The following MFAP5 variants were observed in gnomAD, a reference collection of about 807,000 sequenced individuals.
MFAP5 encodes microfibrillar-associated protein 5.
A neutral mutation model predicts 30.1 loss-of-function variants in MFAP5; 19 were observed. The observed-to-expected ratio is 0.63, with a 90% CI of 0.44 to 0.93. The LOEUF (loss-of-function observed/expected upper bound fraction) is 0.93. Among genes scored for constraint, MFAP5 ranks in the 40% least tolerant of loss-of-function variants. The probability of loss-of-function intolerance (pLI) is 0.00; values close to 1 mark genes in which losing one functional copy is unlikely to be tolerated. For missense variants in MFAP5, 210 were observed against 221.3 expected, an observed-to-expected ratio of 0.95 and a Z score of 0.32; for synonymous variants, 92 against 72.9, an observed-to-expected ratio of 1.26 and a Z score of -1.33.
chr12:8,651,510 A>C, intron 7 of MFAP5, 152 bp downstream of exon 7: 1 of 760,506 alleles, frequency 1.3e-6, no homozygotes, highest in Non-Finnish European at 2.1e-6. Context: ...TTTTTTAAAA[A>C]AAAGAGTAAG....
At chr12:8,650,385 G>A in intron 8 of MFAP5, 117 bp downstream of exon 8, 1 of 875,644 alleles carries the variant, frequency 1.1e-6, no homozygotes, top group South Asian at 1.5e-5. Context: ...GGAGGGTTGT[G>A]CTAAAAACTT....
chr12:8,655,781 C>T lies in MFAP5; in HGVS notation c.139+5G>A, dbSNP rs1350150138. ...AACAAACAAACAAACAAAAGTGTAG[C>T]TTACTAGGATCTTCTGTGAATGTTT... On this transcript the variant is annotated splice_donor_5th_base_variant and intron_variant, in intron 4 of 9. Coordinates refer to ENST00000359478, the MANE Select transcript of MFAP5 (RefSeq NM_003480.4). 1.2e-6 allele frequency: 2 copies of T among 1,609,838 alleles called. No individual in the cohort carries two copies. Among genetic ancestry groups the T allele is most frequent in the East Asian group, 4.5e-5 (2 of 44,888 alleles).
In MFAP5 at chr12:8,655,391, T is replaced by C. The variant is rs774406233; in HGVS notation, c.172+24A>G. ...ATATTAACAAGAACCATGCCATTTT[T>C]TTTTTAACTGCGGTAAAATTTACCT... On this transcript the variant is annotated intron_variant, in intron 5 of 9. Coordinates refer to ENST00000359478, the MANE Select transcript of MFAP5 (RefSeq NM_003480.4). 10 of 1,575,014 alleles carry C rather than the reference T, an allele frequency of 6.3e-6. No individual in the cohort carries two copies. In the African/African-American group the frequency reaches 1.1e-4, roughly 17 times the overall value.
At position 8,648,180 on chromosome 12, in the gene MFAP5, C is replaced by A; in HGVS notation, c.433G>T (p.Gly145Cys). The change falls in exon 10 of 10, where the codon GGT (glycine) becomes TGT (cysteine). Residue 145 changes from glycine to cysteine, a missense_variant. Transcript: ENST00000359478. The part of the protein sequence containing the change: ...MKDELCRQMA[G>C]LPPRRLRRSN... ...CGACGGAGTCTCCTAGGGGGCAGACCAGCCATCTGACGGCAAAGCTCATCT... is the reference window on the plus strand; with the variant it reads ...CGACGGAGTCTCCTAGGGGGCAGACAAGCCATCTGACGGCAAAGCTCATCT... 1 of 1,613,636 alleles carries A rather than the reference C, an allele frequency of 6.2e-7. No individual in the cohort carries two copies.
At chr12:8,648,843 C>A (rs1941754785) in intron 9 of MFAP5, among the ~76,000 whole-genome samples, 1 of 152,214 alleles carries the variant, frequency 6.6e-6, no homozygotes, top group Admixed American at 6.5e-5. Flanking sequence ...TCACCAACCA[C>A]AGCCATCGTT....
chr12:8,658,766 C>T (rs143889478), intron 3 of MFAP5, among the ~76,000 whole-genome samples: 227 of 151,880 alleles, frequency 1.5e-3, no homozygotes, highest in African/African-American at 5.2e-3. Flanking sequence ...CAAGAGCTAT[C>T]ACCATATAAA....
intron 6 of MFAP5, among the ~76,000 whole-genome samples, chr12:8,653,459 A>G (rs1941897569): frequency 6.6e-6 from 1 of 151,962 alleles, no homozygotes; most frequent in African/African-American, 2.4e-5. Context: ...TCTAATTATA[A>G]TCTTACCTTG....
intron 6 of MFAP5, among the ~76,000 whole-genome samples, chr12:8,652,409 C>T (rs1360371637): frequency 1.3e-5 from 2 of 151,750 alleles, no homozygotes; most frequent in Admixed American, 6.6e-5. Flanking sequence ...CGTACCATTG[C>T]ACTCCAGCCT....
At chr12:8,650,805 T>G (rs1358423700) in intron 7 of MFAP5, among the ~76,000 whole-genome samples, 1 of 152,196 alleles carries the variant, frequency 6.6e-6, no homozygotes, top group Non-Finnish European at 1.5e-5. Context: ...TACTTGGAAG[T>G]AGAAGTGGAT....
chr12:8,658,656 A>G (rs762263417), intron 3 of MFAP5: 2 of 152,236 alleles, frequency 1.3e-5, no homozygotes, highest in South Asian at 4.2e-4. Context: ...GGAGCAAAGC[A>G]ATGGGGGAAC....
chr12:8,648,193 G>A lies in MFAP5; in HGVS notation c.420C>T (p.Cys140=). 1 of 1,612,674 alleles carries A rather than the reference G, an allele frequency of 6.2e-7. No individual in the cohort carries two copies. Among genetic ancestry groups the A allele is most frequent in the Non-Finnish European group, 8.5e-7 (1 of 1,178,896 alleles). ...TAGGGGGCAGACCAGCCATCTGACG[G>A]CAAAGCTCATCTAGAAGAGAAGCAG... ...KEHEAMKDEL[C]RQMAGLPPRR... is the part of the protein sequence containing the mutation. The change falls in exon 10 of 10, where the codon TGC becomes TGT. Residue 140 remains cysteine, a synonymous_variant. Transcript: ENST00000359478.
At chr12:8,655,684 C>T in intron 4 of MFAP5, 102 bp downstream of exon 4, 1 of 1,395,370 alleles carries the variant, frequency 7.2e-7, no homozygotes, top group Non-Finnish European at 9.9e-7. Context: ...TCAGAGCACC[C>T]TCCAACCCTT....
chr12:8,655,401 G>T lies in MFAP5; in HGVS notation c.172+14C>A, dbSNP rs1243347119. ...GAACCATGCCATTTTTTTTTTAACTGCGGTAAAATTTACCTGTTTCATCTG... is the reference window on the plus strand; with the variant it reads ...GAACCATGCCATTTTTTTTTTAACTTCGGTAAAATTTACCTGTTTCATCTG... On this transcript the variant is annotated intron_variant, in intron 5 of 9. Coordinates refer to ENST00000359478, the MANE Select transcript of MFAP5 (RefSeq NM_003480.4). The T allele has an allele frequency of 2.5e-6, 4 of 1,582,604 alleles. No individual in the cohort carries two copies. Among genetic ancestry groups the T allele is most frequent in the Admixed American group, 1.8e-5 (1 of 54,786 alleles).
chr12:8,660,752 T>G lies in MFAP5; in HGVS notation c.94+111A>C, dbSNP rs1942124469. 4 of 655,686 alleles carry G rather than the reference T, an allele frequency of 6.1e-6. No homozygotes were observed. The East Asian group carries it at 1.0e-4, about 17-fold the overall frequency. 40.6% of individuals were successfully genotyped at this position (655,686 alleles called of 1,614,324 possible). A position where few individuals can be genotyped will look rare whatever the true frequency, so the allele number is the denominator to read the frequency against. On this transcript the variant is annotated intron_variant, in intron 3 of 9. Coordinates refer to ENST00000359478, the MANE Select transcript of MFAP5 (RefSeq NM_003480.4). Reference sequence around the variant, plus strand: ...TCTCTTTGTTGTAGGAAATATTCTTTTTTTTTTTTTTTTGGCAGCGATAGA... The same window carrying G: ...TCTCTTTGTTGTAGGAAATATTCTTGTTTTTTTTTTTTTGGCAGCGATAGA...
intron 4 of MFAP5, 80 bp from the exon 5 acceptor site, chr12:8,655,527 C>A: frequency 7.0e-7 from 1 of 1,429,902 alleles, no homozygotes; most frequent in South Asian, 1.3e-5. Flanking sequence ...GGACGATGAT[C>A]TCAAAGGAGG....
At chr12:8,654,513 G>A (rs770361229) in intron 5 of MFAP5, 32 bp from the exon 6 acceptor site, 1 of 1,586,094 alleles carries the variant, frequency 6.3e-7, no homozygotes, top group East Asian at 2.3e-5. Context: ...GGTATGAGGA[G>A]GGCTTCAAAT....
rs879186070 is a variant in MFAP5, at chr12:8,650,718, T to C, written c.248-129A>G. On this transcript the variant is annotated intron_variant, in intron 7 of 9. Coordinates refer to ENST00000359478, the MANE Select transcript of MFAP5 (RefSeq NM_003480.4). ...GAGTAATCTCTACAGAGAATCATTA[T>C]AAATTGGGCTACATCCTTTCCGTCC... 54 of 761,378 alleles carry C rather than the reference T, an allele frequency of 7.1e-5. 1 individual carries two copies. In the South Asian group the frequency reaches 8.9e-4, roughly 13 times the overall value. 47.2% of individuals were successfully genotyped at this position (761,378 alleles called of 1,614,324 possible).
chr12:8,648,164 C>T lies in MFAP5; in HGVS notation c.449G>A (p.Arg150Lys). The change falls in exon 10 of 10, where the codon AGA becomes AAA. Residue 150 changes from arginine (R) to lysine (K), a missense_variant. Arg to Lys is a conservative substitution (Grantham distance 26). Coordinates refer to ENST00000359478, the MANE Select transcript of MFAP5 (RefSeq NM_003480.4). The stretch of plus-strand genomic sequence containing the variant: ...TCGGAAGTAATTGGAGCGACGGAGT[C>T]TCCTAGGGGGCAGACCAGCCATCTG... Reference protein sequence around the residue: ...CRQMAGLPPRRLRRSNYFRLP... With the variant: ...CRQMAGLPPRKLRRSNYFRLP... 1 of 1,613,872 alleles carries T rather than the reference C, an allele frequency of 6.2e-7. No homozygotes were observed. Among genetic ancestry groups the T allele is most frequent in the East Asian group, 2.2e-5 (1 of 44,872 alleles).
chr12:8,655,761 A>G, intron 4 of MFAP5, 25 bp downstream of exon 4: 2 of 1,603,742 alleles, frequency 1.2e-6, no homozygotes, highest in South Asian at 1.1e-5. Context: ...CAGCAAACAA[A>G]CAAACAAACA....
Sources: gnomAD v4.1 joint callset for allele counts (sites outside exome capture counted in the v4.1 genomes callset) on GRCh38, gnomAD v4.1.1 for gene constraint, MANE v1.5 for transcripts, NCBI Gene and HGNC (gene_info 2026-07-23, HGNC 2026-07-21) for gene names.